DAB1: variants seen among roughly 807,000 people sequenced by gnomAD.
DAB1 encodes the protein disabled homolog 1.
DAB1 carries 15 observed loss-of-function variants against 64.6 expected under a neutral mutation model. The ratio of observed to expected loss-of-function variants is 0.23; its 90% CI spans 0.16 to 0.36. The LOEUF (loss-of-function observed/expected upper bound fraction) is 0.36, where lower values mean the gene tolerates loss of function less well. DAB1 is among the 10% of genes least tolerant of loss of function. The pLI is 1.00. For synonymous variants in DAB1, 235 were observed against 251.9 expected, an observed-to-expected ratio of 0.93 and a Z score of 0.64; for missense variants, 596 against 706.7, an observed-to-expected ratio of 0.84 and a Z score of 1.78.
chr1:57,838,959 A>G (rs1011426566), intron 1 of DAB1, among the ~76,000 whole-genome samples: 6 of 151,674 alleles, frequency 4.0e-5, no homozygotes, highest in African/African-American at 7.3e-5. Context: ...TTATTTATTT[A>G]TTGTAAAGAT....
chr1:57,156,081 TG>T (rs1246061435), intron 2 of DAB1, among the ~76,000 whole-genome samples: 1 of 152,180 alleles, frequency 6.6e-6, no homozygotes, highest in Non-Finnish European at 1.5e-5. Flanking sequence ...GTAGCAGGGC[TG>T]GGGTACACAT....
At chr1:58,310,594 C>G (rs1662407657) in intron 4 of DAB1, among the ~76,000 whole-genome samples, 1 of 152,124 alleles carries the variant, frequency 6.6e-6, no homozygotes, top group Non-Finnish European at 1.5e-5. Context: ...TGTCTCTACC[C>G]ACACTTCTAT....
intron 3 of DAB1, among the ~76,000 whole-genome samples, chr1:58,439,644 T>C (rs1202823249): frequency 6.6e-6 from 1 of 152,244 alleles, no homozygotes; most frequent in Non-Finnish European, 1.5e-5. Flanking sequence ...GTAGGTATCA[T>C]GCCCATTTTA....
intron 1 of DAB1, among the ~76,000 whole-genome samples, chr1:57,317,652 A>C (rs1558154281): frequency 6.6e-6 from 1 of 152,158 alleles, no homozygotes; most frequent in Non-Finnish European, 1.5e-5. Context: ...GTAGCCTTTG[A>C]AACAGCAGCA....
At position 57,163,385 on chromosome 1, in the gene DAB1, G is replaced by A. The variant is rs1660939370; in HGVS notation, c.68-17956C>T. On this transcript the variant is annotated intron_variant, in intron 2 of 14. Coordinates refer to ENST00000371236, the MANE Select transcript of DAB1 (RefSeq NM_001365792.1). ...CAAGAAAAGGGCAGTCATGCCAGGAGGGAATGTGTTTGGCCTGTTTATAAA... is the reference window on the plus strand; with the variant it reads ...CAAGAAAAGGGCAGTCATGCCAGGAAGGAATGTGTTTGGCCTGTTTATAAA... Among the ~76,000 whole-genome samples the A allele has an allele frequency of 2.6e-5, 4 of 152,074 alleles. No homozygotes were observed. In the South Asian group the frequency reaches 8.3e-4, roughly 32 times the overall value.
At chr1:57,601,863 G>A (rs1250026688) in intron 7 of DAB1, among the ~76,000 whole-genome samples, 1 of 151,984 alleles carries the variant, frequency 6.6e-6, no homozygotes, top group African/African-American at 2.4e-5. Flanking sequence ...CTAATTTCCA[G>A]GGTTTAAAAA....
chr1:58,111,277 T>C (rs72906584), intron 5 of DAB1, among the ~76,000 whole-genome samples: 2,611 of 152,300 alleles, frequency 0.017, 65 homozygotes, highest in African/African-American at 0.06. Flanking sequence ...TGGCCACAAA[T>C]CAAATAAGAA....
At chr1:58,105,109 A>C (rs1651554526) in intron 5 of DAB1, among the ~76,000 whole-genome samples, 1 of 152,206 alleles carries the variant, frequency 6.6e-6, no homozygotes, top group African/African-American at 2.4e-5. Context: ...AGGACTCCAT[A>C]AATTTTGTGC....
chr1:58,327,277 G>A (rs1250545859), intron 4 of DAB1, among the ~76,000 whole-genome samples: 2 of 152,062 alleles, frequency 1.3e-5, no homozygotes, highest in African/African-American at 2.4e-5. Context: ...AGAATATGGG[G>A]GAAAAAGAAG....
At chr1:57,047,011 C>T (rs1020771133) in intron 9 of DAB1, among the ~76,000 whole-genome samples, 7 of 152,190 alleles carry the variant, frequency 4.6e-5, no homozygotes, top group African/African-American at 1.7e-4. Context: ...GCCTATTGCC[C>T]TGACATAATT....
intron 3 of DAB1, among the ~76,000 whole-genome samples, chr1:58,442,599 G>A (rs1259663185): frequency 1.3e-5 from 2 of 152,220 alleles, no homozygotes; most frequent in Non-Finnish European, 2.9e-5. Flanking sequence ...TCAAAAAAGT[G>A]TAATTTGGAA....
At chr1:57,925,413 A>G (rs1231484379) in intron 5 of DAB1, among the ~76,000 whole-genome samples, 2 of 152,212 alleles carry the variant, frequency 1.3e-5, no homozygotes, top group Non-Finnish European at 2.9e-5. Flanking sequence ...TGCACGCTTC[A>G]TACAGAATTT....
At chr1:57,703,465 CA>C (rs1235956054) in intron 6 of DAB1, among the ~76,000 whole-genome samples, 7 of 152,028 alleles carry the variant, frequency 4.6e-5, no homozygotes, top group African/African-American at 1.7e-4. Context: ...TAGAGAAATA[CA>C]AATCAAAACC....
chr1:57,112,404 A>C (rs1383555575), intron 4 of DAB1, among the ~76,000 whole-genome samples: 1 of 152,208 alleles, frequency 6.6e-6, no homozygotes, highest in Non-Finnish European at 1.5e-5. Context: ...CAGGTGAATC[A>C]TCACCAAGAT....
intron 2 of DAB1, among the ~76,000 whole-genome samples, chr1:57,271,595 G>C (rs1026610473): frequency 3.9e-5 from 6 of 152,308 alleles, no homozygotes; most frequent in African/African-American, 1.4e-4. Context: ...GACATGGTCT[G>C]GTAGAGAGAC....
At chr1:57,103,180 G>A (rs992672467) in intron 4 of DAB1, among the ~76,000 whole-genome samples, 6 of 152,190 alleles carry the variant, frequency 3.9e-5, no homozygotes, top group Admixed American at 2.6e-4. Flanking sequence ...AGAAAGGTCA[G>A]CTGGAGGGGG....
chr1:57,436,057 C>T (rs904815717), intron 7 of DAB1, among the ~76,000 whole-genome samples: 2 of 151,694 alleles, frequency 1.3e-5, no homozygotes, highest in African/African-American at 4.8e-5. Context: ...GCTGGGACTA[C>T]AGGCACCCGC....
intron 6 of DAB1, among the ~76,000 whole-genome samples, chr1:57,667,032 C>T (rs1044759186): frequency 6.6e-6 from 1 of 152,154 alleles, no homozygotes; most frequent in Non-Finnish European, 1.5e-5. Flanking sequence ...GCTCAATATG[C>T]TCTTCCTACT....
At chr1:57,393,698 A>C in intron 1 of DAB1, among the ~76,000 whole-genome samples, 1 of 152,116 alleles carries the variant, frequency 6.6e-6, no homozygotes, top group East Asian at 1.9e-4. Context: ...TGGGCCAGAA[A>C]ACTACCACCG....
Sources: gnomAD v4.1 joint callset for allele counts (sites outside exome capture counted in the v4.1 genomes callset) on GRCh38, gnomAD v4.1.1 for gene constraint, MANE v1.5 for transcripts, NCBI Gene and HGNC (gene_info 2026-07-23, HGNC 2026-07-21) for gene names.